The following SIK3 variants were observed in gnomAD, a reference collection of about 807,000 sequenced individuals.
The protein encoded by SIK3 is SIK family kinase 3.
Under a neutral mutation model 144.2 loss-of-function variants are expected in SIK3, and 28 were observed. The observed-to-expected ratio is 0.19, with a 90% CI of 0.14 to 0.27. SIK3 has a LOEUF of 0.27. Ranked by LOEUF, SIK3 falls within the 10% of genes least tolerant of loss-of-function variation. The probability of loss-of-function intolerance (pLI) is 1.00; values close to 1 mark genes in which losing one functional copy is unlikely to be tolerated. For synonymous variants in SIK3, 686 were observed against 676.3 expected (o/e 1.01, Z -0.22); for missense variants, 1,319 against 1,776.0 (o/e 0.74, Z 4.62).
intron 4 of SIK3, among the ~76,000 whole-genome samples, chr11:116,915,124 A>ATGTGTGTGTGTGTGTGTGTGTGTGTGTG (rs35059138): frequency 2.8e-4 from 36 of 129,980 alleles, no homozygotes; most frequent in African/African-American, 7.9e-4. Flanking sequence ...GAAGCCATAT[A>ATGTGTGTGTGTGTGTGTGTGTGTGTGTG]TGTGTGTGTG....
intron 11 of SIK3, among the ~76,000 whole-genome samples, chr11:116,874,395 T>C (rs1343903431): frequency 6.6e-6 from 1 of 152,208 alleles, no homozygotes; most frequent in Admixed American, 6.5e-5. Flanking sequence ...GGCCATCCAC[T>C]AAGATAATGG....
rs1483608329 is a variant in SIK3 at position 116,857,990 on chromosome 11, T to G, written c.3475A>C (p.Ser1159Arg). The G allele has an allele frequency of 1.2e-6, 2 of 1,614,212 alleles. No individual in the cohort carries two copies. Among genetic ancestry groups the G allele is most frequent in the South Asian group, 2.2e-5 (2 of 91,080 alleles). The change falls in exon 21 of 25, where the codon AGT (serine) becomes CGT (arginine). Residue 1159 changes from serine to arginine, a missense_variant. By Grantham distance (110) the Ser-to-Arg change is moderately radical. This residue lies in a region of SIK3 where 646 missense variants were observed against 763.7 expected (regional missense o/e 0.85). Transcript: ENST00000445177. ...TTGGTCAATGTACTTGAACTCTTACTGTCTTGGAAGCCATCCTTGGCCCCC... is the reference window on the plus strand; with the variant it reads ...TTGGTCAATGTACTTGAACTCTTACGGTCTTGGAAGCCATCCTTGGCCCCC... ...CEGAKDGFQD[S>R]KSSSTLTKGC...
At chr11:116,847,052 GC>G (rs1347916958) in intron 23 of SIK3, among the ~76,000 whole-genome samples, 1 of 152,094 alleles carries the variant, frequency 6.6e-6, no homozygotes, top group African/African-American at 2.4e-5. Context: ...AAAGCCAAGT[GC>G]CTCACCTGCA....
Position 116,846,329 on chromosome 11 carries a change from G to T in SIK3, c.*13+54C>A. 1.9e-6 allele frequency: 3 copies of T among 1,569,408 alleles called. No homozygotes were observed. Among genetic ancestry groups the T allele is most frequent in the South Asian group, 1.2e-5 (1 of 84,922 alleles). On this transcript the variant is annotated intron_variant, in intron 24 of 24. Transcript: ENST00000445177. The surrounding 1 kb of genome is among the most constrained non-coding windows in gnomAD (Gnocchi z 4.1). ...TGGGCTGAAGCTCCTGATGGGATTG[G>T]GAGCAGGCACTGGGCCACAGGGCTG...
chr11:116,976,744 G>C (rs1271886466), intron 1 of SIK3, among the ~76,000 whole-genome samples: 1 of 152,190 alleles, frequency 6.6e-6, no homozygotes, highest in African/African-American at 2.4e-5. Flanking sequence ...AACTGTTAAT[G>C]AATCAAATGA....
At chr11:117,012,921 G>A (rs942037237) in intron 1 of SIK3, among the ~76,000 whole-genome samples, 11 of 130,032 alleles carry the variant, frequency 8.5e-5, no homozygotes, top group East Asian at 2.3e-4. Context: ...GCGTGATCTC[G>A]GCTCACTGCA....
At chr11:116,911,100 C>T (rs759784968) in intron 4 of SIK3, among the ~76,000 whole-genome samples, 1 of 151,994 alleles carries the variant, frequency 6.6e-6, no homozygotes, top group Admixed American at 6.6e-5. Context: ...TGCCACTGCA[C>T]TCCAACCTGG....
intron 3 of SIK3, among the ~76,000 whole-genome samples, chr11:116,938,917 TTATGTTACAAAATAGA>T (rs1206388268): frequency 1.3e-5 from 2 of 152,110 alleles, no homozygotes; most frequent in African/African-American, 4.8e-5. Flanking sequence ...AATTGCATAA[TTATGTTACAAAATAGA>T]AAACCAACTT....
At chr11:116,986,494 TA>T (rs1950329580) in intron 1 of SIK3, among the ~76,000 whole-genome samples, 1 of 152,194 alleles carries the variant, frequency 6.6e-6, no homozygotes, top group Admixed American at 6.5e-5. Context: ...TTAAACCTCC[TA>T]ACCAACCTGA....
intron 1 of SIK3, among the ~76,000 whole-genome samples, chr11:116,992,345 T>C (rs1431505014): frequency 1.5e-5 from 2 of 135,616 alleles, no homozygotes; most frequent in Non-Finnish European, 3.1e-5. Flanking sequence ...ACACCTCATA[T>C]ATTTGTGTGC....
Position 116,857,887 on chromosome 11 carries a change from T to C in SIK3, c.3578A>G (p.His1193Arg). ...GGGATGTATCCCCAATTCTTGGGCA[T>C]GACTCACAGTTCCTAGCAAAGATTC... ...DPESLLGTVS[H>R]AQELGIHPYG... Residue 1193 changes from histidine (H) to arginine (R), a missense_variant, in exon 21 of 25, where the codon CAT (histidine) becomes CGT (arginine). His to Arg is a conservative substitution (Grantham distance 29). Around this residue, in one of 8 missense-constraint regions of SIK3, gnomAD observed 646 missense variants for 763.7 expected, o/e 0.85. Coordinates refer to ENST00000445177, the MANE Select transcript of SIK3 (RefSeq NM_001366686.3). 3 of 1,614,232 alleles carry C rather than the reference T, an allele frequency of 1.9e-6. No individual in the cohort carries two copies. The highest frequency in any genetic ancestry group is 2.5e-6 in the Non-Finnish European group (3 of 1,180,048).
intron 18 of SIK3, 113 bp from the exon 19 acceptor site, chr11:116,861,496 G>T: frequency 1.3e-6 from 1 of 758,494 alleles, no homozygotes. Flanking sequence ...ACTTTGATAA[G>T]CCTCATGTTA....
intron 3 of SIK3, among the ~76,000 whole-genome samples, chr11:116,952,229 C>T (rs1241129090): frequency 6.6e-6 from 1 of 151,976 alleles, no homozygotes. Flanking sequence ...AGTGAGACCC[C>T]CGTCTCTACT....
intron 1 of SIK3, among the ~76,000 whole-genome samples, chr11:117,012,288 A>T (rs1038758006): frequency 4.6e-5 from 7 of 152,132 alleles, no homozygotes; most frequent in African/African-American, 1.7e-4. Flanking sequence ...AATACTTTTT[A>T]GAAAAGTTTT....
rs776832224 is a variant in SIK3, at chr11:116,934,764, T to C, written c.455-7384A>G. Among the ~76,000 whole-genome samples, 150 of 152,080 alleles carry C rather than the reference T, an allele frequency of 9.9e-4. 1 individual carries two copies. The highest frequency in any genetic ancestry group is 3.3e-3 in the Admixed American group (51 of 15,262). ...GCCTGAACAGCAAAGCAAGACCCCA[T>C]TGCTACAAAAAATTTAAAAATCAGC... is the stretch of plus-strand genomic sequence containing the variant. On this transcript the variant is annotated intron_variant, in intron 3 of 24. Coordinates refer to ENST00000445177, the MANE Select transcript of SIK3 (RefSeq NM_001366686.3).
Position 116,875,410 on chromosome 11 carries a change from C to G in SIK3, c.1281G>C (p.Gln427His). The change falls in exon 10 of 25, where the codon CAG becomes CAC. Residue 427 changes from glutamine to histidine, a missense_variant. Gln to His is a conservative substitution (Grantham distance 24). Transcript: ENST00000445177. ...GGTTCTCTGGGTTGATCAGCTGCAC[C>G]TGGGGAACGCTGATGTTCATAGCAG... ...AGTAMNISVP[Q>H]VQLINPENQI... The G allele has an allele frequency of 6.2e-7, 1 of 1,614,218 alleles. No individual in the cohort carries two copies. Among genetic ancestry groups the G allele is most frequent in the Non-Finnish European group, 8.5e-7 (1 of 1,180,038 alleles).
At chr11:117,082,878 A>T (rs1343981600) in intron 1 of SIK3, among the ~76,000 whole-genome samples, 2 of 152,314 alleles carry the variant, frequency 1.3e-5, no homozygotes, top group African/African-American at 4.8e-5. Flanking sequence ...AACTGGAACC[A>T]GAAACATCCC....
intron 1 of SIK3, among the ~76,000 whole-genome samples, chr11:117,009,343 C>T (rs189460635): frequency 2.0e-5 from 3 of 151,522 alleles, no homozygotes; most frequent in Non-Finnish European, 1.5e-5. Flanking sequence ...CCCAGGAGTT[C>T]GAGACCAGCC....
At chr11:116,847,656 T>C in intron 22 of SIK3, 48 bp from the exon 23 acceptor site, 1 of 1,610,872 alleles carries the variant, frequency 6.2e-7, no homozygotes, top group East Asian at 2.2e-5. Context: ...GACACCACTC[T>C]CAGGCAACCC....
Sources: allele counts gnomAD v4.1 joint callset (sites outside exome capture counted in the v4.1 genomes callset), GRCh38; gene constraint gnomAD v4.1.1; regional missense constraint gnomAD v4.1.1; non-coding constraint Gnocchi (gnomAD v3.1); transcripts MANE v1.5; gene names NCBI Gene and HGNC (gene_info 2026-07-23, HGNC 2026-07-21).